The following HYDIN variants were observed in gnomAD, a reference collection of about 807,000 sequenced individuals.
HYDIN encodes HYDIN axonemal central pair apparatus protein.
In HYDIN, 132 loss-of-function variants were observed where a neutral mutation model predicts 403.9. The ratio of observed to expected loss-of-function variants is 0.33; its 90% CI spans 0.28 to 0.38. HYDIN has a LOEUF of 0.38. HYDIN is among the 10% of genes least tolerant of loss of function. The pLI is 1.00. For synonymous variants in HYDIN, 1,202 were observed against 1,891.7 expected, an observed-to-expected ratio of 0.64 and a Z score of 9.46; for missense variants, 2,827 against 5,009.5, an observed-to-expected ratio of 0.56 and a Z score of 13.15.
intron 45 of HYDIN, among the ~76,000 whole-genome samples, chr16:70,929,132 A>G (rs1275819689): frequency 6.8e-6 from 1 of 147,774 alleles, no homozygotes; most frequent in Non-Finnish European, 1.5e-5. Flanking sequence ...TCTACTAAAA[A>G]TACAAAAATT....
chr16:70,882,568 C>T lies in HYDIN; in HGVS notation c.10215+92G>A, dbSNP rs113738887. ...AGCAGGGCCAGATAATTTCCACTCA[C>T]GCATACAGGCTCCAGAGCAGAGGAT... On this transcript the variant is annotated intron_variant, in intron 60 of 85. Transcript: ENST00000393567. 3.6e-4 allele frequency: 228 copies of T among 631,894 alleles called. 1 individual carries two copies. The African/African-American group carries it at 3.8e-3, about 10-fold the overall frequency. The allele number at this position is 631,894 out of a possible 1,614,324, so 39.1% of individuals were successfully genotyped here. A position where few individuals can be genotyped will look rare whatever the true frequency, so the allele number is the denominator to read the frequency against.
Position 70,992,057 on chromosome 16 carries a change from G to A in HYDIN, c.3785+13C>T. The stretch of plus-strand genomic sequence containing the variant: ...AAGCTACTACAAATAATCTATGTTG[G>A]CTTTGCACTTACTTAACAAAATCAT... On this transcript the variant is annotated intron_variant, in intron 24 of 85. Coordinates refer to ENST00000393567, the MANE Select transcript of HYDIN (RefSeq NM_001270974.2). The A allele has an allele frequency of 6.2e-7, 1 of 1,613,598 alleles. No individual in the cohort carries two copies. Among genetic ancestry groups the A allele is most frequent in the Non-Finnish European group, 8.5e-7 (1 of 1,179,826 alleles).
intron 10 of HYDIN, among the ~76,000 whole-genome samples, chr16:71,101,819 T>A (rs2083463802): frequency 6.6e-6 from 1 of 152,164 alleles, no homozygotes; most frequent in African/African-American, 2.4e-5. Flanking sequence ...ATCCTGTATG[T>A]CCTGGAGTTG....
At chr16:70,918,489 C>G (rs2456150) in intron 46 of HYDIN, 60 bp from the exon 47 acceptor site, 613,110 of 1,080,900 alleles carry the variant, frequency 0.57, 179,580 homozygotes, top group Non-Finnish European at 0.61. Flanking sequence ...CTTACCATAG[C>G]CTTTGTTATA....
chr16:70,992,253 T>C, intron 23 of HYDIN, 43 bp from the exon 24 acceptor site: 1 of 1,518,180 alleles, frequency 6.6e-7, no homozygotes, highest in South Asian at 1.3e-5. Flanking sequence ...ACAGGAGACA[T>C]CAGTTTTTGC....
At chr16:71,134,492 C>A (rs1237458043) in intron 8 of HYDIN, among the ~76,000 whole-genome samples, 1 of 151,776 alleles carries the variant, frequency 6.6e-6, no homozygotes, top group Non-Finnish European at 1.5e-5. Context: ...AGAGGATTCA[C>A]CCCATTCGCT....
At chr16:71,226,406 G>A (rs546141974) in intron 1 of HYDIN, among the ~76,000 whole-genome samples, 2 of 152,076 alleles carry the variant, frequency 1.3e-5, no homozygotes, top group East Asian at 3.9e-4. Flanking sequence ...CTCAACTCTT[G>A]CCTGACGTCA....
chr16:71,040,479 C>CT (rs2081250141), intron 18 of HYDIN, among the ~76,000 whole-genome samples: 1 of 146,000 alleles, frequency 6.8e-6, no homozygotes, highest in African/African-American at 2.5e-5. Flanking sequence ...CATACCCCCC[C>CT]TCCCCGCACC....
At chr16:70,981,836 A>T (rs533268271) in intron 28 of HYDIN, among the ~76,000 whole-genome samples, 3 of 152,248 alleles carry the variant, frequency 2.0e-5, no homozygotes, top group African/African-American at 7.2e-5. Context: ...ATGTAAAAAG[A>T]AAAATGGTTC....
chr16:70,979,183 G>C lies in HYDIN; in HGVS notation c.4511-142C>G. On this transcript the variant is annotated intron_variant, in intron 29 of 85. Transcript: ENST00000393567. ...GACTTTTGGATACTTTGTCTGCCCC[G>C]CTTTCCCTGCTTCAGAGGGTGAGGT... 10 of 1,052,214 alleles carry C rather than the reference G, an allele frequency of 9.5e-6. No homozygotes were observed. In the South Asian group the frequency reaches 1.6e-4, roughly 17 times the overall value. The allele number at this position is 1,052,214 out of a possible 1,614,324, so 65.2% of individuals were successfully genotyped here.
At chr16:70,869,740 G>C (rs2039987181) in intron 65 of HYDIN, among the ~76,000 whole-genome samples, 1 of 150,074 alleles carries the variant, frequency 6.7e-6, no homozygotes, top group African/African-American at 2.5e-5. Flanking sequence ...TCAGCAACGT[G>C]AAAATGAACA....
chr16:71,015,401 T>TA (rs1360983822), intron 23 of HYDIN, among the ~76,000 whole-genome samples: 7 of 149,906 alleles, frequency 4.7e-5, no homozygotes, highest in Admixed American at 1.3e-4. Context: ...CTCTCAAAAA[T>TA]AAAAAAATAA....
At chr16:70,843,477 A>G (rs2037980609) in intron 75 of HYDIN, among the ~76,000 whole-genome samples, 1 of 128,538 alleles carries the variant, frequency 7.8e-6, no homozygotes, top group African/African-American at 4.0e-5. Context: ...AGTCTTTGCT[A>G]TTGTGAATAA....
intron 72 of HYDIN, among the ~76,000 whole-genome samples, chr16:70,856,718 T>C (rs1242339241): frequency 6.6e-6 from 1 of 152,236 alleles, no homozygotes; most frequent in Non-Finnish European, 1.5e-5. Context: ...CTGTTGTTAT[T>C]CTTATGCTAC....
At chr16:71,216,990 G>GTT (rs2088914108) in intron 1 of HYDIN, among the ~76,000 whole-genome samples, 1 of 152,158 alleles carries the variant, frequency 6.6e-6, no homozygotes, top group African/African-American at 2.4e-5. Context: ...CTACAAAAGA[G>GTT]TTTTACAGCC....
At chr16:70,984,395 A>C (rs1226464479) in intron 28 of HYDIN, among the ~76,000 whole-genome samples, 6 of 148,420 alleles carry the variant, frequency 4.0e-5, no homozygotes, top group Middle Eastern at 3.5e-3. Flanking sequence ...AAAAAAAAAA[A>C]AAAAAAAAAA....
chr16:71,053,349 A>T (rs2081732720), intron 18 of HYDIN, among the ~76,000 whole-genome samples: 1 of 152,254 alleles, frequency 6.6e-6, no homozygotes, highest in Admixed American at 6.5e-5. Flanking sequence ...GTATATACCC[A>T]AAAACTCTTG....
At chr16:70,835,213 G>T (rs1030082762) in intron 78 of HYDIN, among the ~76,000 whole-genome samples, 1 of 151,760 alleles carries the variant, frequency 6.6e-6, no homozygotes, top group Non-Finnish European at 1.5e-5. Flanking sequence ...GGCCAGGCTA[G>T]TCTTGAACTC....
intron 8 of HYDIN, among the ~76,000 whole-genome samples, chr16:71,130,134 T>C (rs1465379775): frequency 8.5e-5 from 13 of 152,284 alleles, no homozygotes; most frequent in African/African-American, 2.9e-4. Context: ...AATCCTGTTT[T>C]CCAGGCTGCT....
Sources: gnomAD v4.1 joint callset for allele counts (sites outside exome capture counted in the v4.1 genomes callset) on GRCh38, gnomAD v4.1.1 for gene constraint, MANE v1.5 for transcripts, NCBI Gene and HGNC (gene_info 2026-07-23, HGNC 2026-07-21) for gene names.